The following TLCD3B variants were observed in gnomAD, a reference collection of about 807,000 sequenced individuals.
The protein encoded by TLCD3B is ceramide synthase.
TLCD3B carries 9 observed loss-of-function variants against 23.0 expected under a neutral mutation model. The ratio of observed to expected loss-of-function variants is 0.39; its 90% CI spans 0.24 to 0.68. The LOEUF (loss-of-function observed/expected upper bound fraction) is 0.68, where lower values mean the gene tolerates loss of function less well. TLCD3B is among the 30% of genes least tolerant of loss of function. The pLI is 0.44. For missense variants in TLCD3B, 307 were observed against 371.8 expected (o/e 0.83, Z 1.43); for synonymous variants, 161 against 161.0 (o/e 1.00, Z 0.00).
In TLCD3B at chr16:30,025,865, G is replaced by A; in HGVS notation, c.445-44C>T. On this transcript the variant is annotated intron_variant, in intron 3 of 4. Coordinates refer to ENST00000380495, the MANE Select transcript of TLCD3B (RefSeq NM_031478.6). The surrounding 1 kb of genome is among the most constrained non-coding windows in gnomAD (Gnocchi z 4.1). ...AGGTGAGGAGCTGGGGCTCTCCCTG[G>A]GTTCTTGGGCAGCCCCCGCCCTTCC... is the stretch of plus-strand genomic sequence containing the variant. The A allele has an allele frequency of 2.0e-6, 3 of 1,520,382 alleles. No individual in the cohort carries two copies. Among genetic ancestry groups the A allele is most frequent in the Non-Finnish European group, 2.7e-6 (3 of 1,097,480 alleles). The allele number at this position is 1,520,382 out of a possible 1,614,324, so 94.2% of individuals were successfully genotyped here.
At chr16:30,048,988 C>T (rs1002360412) in intron 1 of TLCD3B, among the ~76,000 whole-genome samples, 22 of 152,190 alleles carry the variant, frequency 1.4e-4, no homozygotes, top group African/African-American at 5.3e-4. Context: ...CCAAGCTGAT[C>T]TCAAACTCCT....
chr16:30,045,707 GTTGTGTGTGT>G (rs2071662657), intron 2 of TLCD3B, among the ~76,000 whole-genome samples: 4 of 146,130 alleles, frequency 2.7e-5, no homozygotes, highest in Non-Finnish European at 1.5e-5. Context: ...GTGTGTGTGT[GTTGTGTGTGT>G]TTGTGTGTGT....
At chr16:30,050,190 T>G (rs1483832417) in intron 1 of TLCD3B, among the ~76,000 whole-genome samples, 3 of 152,154 alleles carry the variant, frequency 2.0e-5, no homozygotes, top group Non-Finnish European at 4.4e-5. Context: ...AGGCCTTTTG[T>G]AGGGCTGAGG....
chr16:30,035,739 C>A (rs887316812), upstream of TLCD3B, among the ~76,000 whole-genome samples: 3 of 144,390 alleles, frequency 2.1e-5, no homozygotes, highest in Non-Finnish European at 4.5e-5. Flanking sequence ...TAGACAATTT[C>A]TTTTCTTTTC....
chr16:30,045,030 T>G (rs2150996808), intron 2 of TLCD3B, among the ~76,000 whole-genome samples: 1 of 143,540 alleles, frequency 7.0e-6, no homozygotes, highest in African/African-American at 2.6e-5. Context: ...GAGGTGGAGA[T>G]TTCAGTGAGC....
chr16:30,038,085 G>C (rs1223582291), intron 3 of TLCD3B, among the ~76,000 whole-genome samples: 1 of 152,082 alleles, frequency 6.6e-6, no homozygotes, highest in Non-Finnish European at 1.5e-5. Flanking sequence ...CATTCTCGAG[G>C]CATCCTCTTA....
intron 1 of TLCD3B, among the ~76,000 whole-genome samples, chr16:30,050,087 G>A (rs1183428294): frequency 2.6e-5 from 4 of 152,152 alleles, no homozygotes; most frequent in Non-Finnish European, 5.9e-5. Flanking sequence ...CAGCACCAGC[G>A]AGTCTGGGCA....
In TLCD3B at chr16:30,026,622, AAGCACACC is replaced by A; in HGVS notation, c.423_430del (p.Val142ProfsTer10). 6.2e-7 allele frequency: 1 copy of A among 1,609,184 alleles called. No individual in the cohort carries two copies. Among genetic ancestry groups the A allele is most frequent in the Non-Finnish European group, 8.5e-7 (1 of 1,177,384 alleles). On this transcript the variant is annotated frameshift_variant, in exon 3 of 5. Transcript: ENST00000380495. LOFTEE classifies it high-confidence loss of function. ...CCCGGGACTCACCACTGAGAGTGGG[AAGCACACC>A]AGCACCATGGCGGCATGGTGGAGCA...
chr16:30,042,572 T>C (rs1022113767), intron 2 of TLCD3B, among the ~76,000 whole-genome samples: 2 of 152,160 alleles, frequency 1.3e-5, no homozygotes, highest in Non-Finnish European at 2.9e-5. Flanking sequence ...TGAGATAGGA[T>C]TAGTTCCATT....
At position 30,025,953 on chromosome 16, in the gene TLCD3B, G is replaced by A. The variant is rs145342458; in HGVS notation, c.445-132C>T. On this transcript the variant is annotated intron_variant, in intron 3 of 4. Transcript: ENST00000380495. The surrounding 1 kb of genome is among the most constrained non-coding windows in gnomAD (Gnocchi z 4.1). ...GAACATCAGAACACCTGGGTGCAGGGCTGGGTGCAGTGGCTCACGCCGGTA... is the reference window on the plus strand; with the variant it reads ...GAACATCAGAACACCTGGGTGCAGGACTGGGTGCAGTGGCTCACGCCGGTA... The A allele has an allele frequency of 1.2e-4, 84 of 699,930 alleles. No individual in the cohort carries two copies. The highest frequency in any genetic ancestry group is 1.1e-3 in the East Asian group (41 of 37,464). 43.4% of individuals were successfully genotyped at this position (699,930 alleles called of 1,614,324 possible).
intron 2 of TLCD3B, among the ~76,000 whole-genome samples, chr16:30,042,328 C>T (rs1206703516): frequency 1.3e-5 from 2 of 151,950 alleles, no homozygotes; most frequent in Non-Finnish European, 1.5e-5. Context: ...AATCTGCCCC[C>T]GCTGGGTTCA....
upstream of TLCD3B, chr16:30,035,173 A>G (rs368067481): frequency 2.9e-4 from 176 of 606,636 alleles, 4 homozygotes; most frequent in African/African-American, 3.1e-3. Context: ...CAGCTTCCCA[A>G]AGTGCTGGAA....
At chr16:30,032,345 G>A (rs2071380458), upstream of TLCD3B, among the ~76,000 whole-genome samples, 1 of 152,148 alleles carries the variant, frequency 6.6e-6, no homozygotes, top group Non-Finnish European at 1.5e-5. Context: ...GCCTTTCTCT[G>A]CCAGAGCCCA....
chr16:30,041,059 G>A (rs1007664506), exon 3 of TLCD3B: 6 of 152,244 alleles, frequency 3.9e-5, no homozygotes, highest in Non-Finnish European at 5.9e-5. Context: ...AGTCAGGCCC[G>A]AGTCTCACTG....
chr16:30,050,119 A>C (rs909134311), intron 1 of TLCD3B, among the ~76,000 whole-genome samples: 2 of 152,190 alleles, frequency 1.3e-5, no homozygotes, highest in African/African-American at 4.8e-5. Flanking sequence ...GGACGTGTCC[A>C]GGGGCCTTGC....
chr16:30,025,597 A>G lies in TLCD3B; in HGVS notation c.540+129T>C. On this transcript the variant is annotated intron_variant, in intron 4 of 4. Transcript: ENST00000380495. The surrounding 1 kb of genome is among the most constrained non-coding windows in gnomAD (Gnocchi z 4.1). ...GACACTTTGCCAGGACACAAGCACC[A>G]GGTGCTCAAAATGCACGGGGTGAGG... 6.8e-7 allele frequency: 1 copy of G among 1,479,368 alleles called. No individual in the cohort carries two copies. The highest frequency in any genetic ancestry group is 9.4e-7 in the Non-Finnish European group (1 of 1,061,288). 91.6% of individuals were successfully genotyped at this position (1,479,368 alleles called of 1,614,324 possible).
chr16:30,046,066 C>T (rs1315433781), intron 2 of TLCD3B, among the ~76,000 whole-genome samples: 1 of 151,998 alleles, frequency 6.6e-6, no homozygotes, highest in Non-Finnish European at 1.5e-5. Context: ...GCCATGATCG[C>T]GCCACTGCAC....
chr16:30,030,193 A>G, intron 1 of TLCD3B: 1 of 1,352,744 alleles, frequency 7.4e-7, no homozygotes, highest in East Asian at 2.6e-5. Context: ...GCTGAACACT[A>G]GTAGACCAGA....
chr16:30,030,174 G>A, intron 1 of TLCD3B: 1 of 1,458,348 alleles, frequency 6.9e-7, no homozygotes. Context: ...GGGAAGAAGA[G>A]AGAGGCGGGC....
Sources: gnomAD v4.1 joint callset for allele counts (sites outside exome capture counted in the v4.1 genomes callset) on GRCh38, gnomAD v4.1.1 for gene constraint, Gnocchi (gnomAD v3.1) non-coding constraint, MANE v1.5 for transcripts, NCBI Gene and HGNC (gene_info 2026-07-23, HGNC 2026-07-21) for gene names.